FLT1: variants seen among roughly 807,000 people sequenced by gnomAD.
FLT1 encodes vascular endothelial growth factor receptor 1.
In FLT1, 49 loss-of-function variants were observed where a neutral mutation model predicts 156.3. That is an observed-to-expected ratio of 0.31 (90% CI 0.25 to 0.40). The LOEUF (loss-of-function observed/expected upper bound fraction) is 0.40. Among genes scored for constraint, FLT1 ranks in the 10% least tolerant of loss-of-function variants. FLT1 has a pLI of 1.00. For synonymous variants in FLT1, 594 were observed against 583.8 expected, an observed-to-expected ratio of 1.02 and a Z score of -0.25; for missense variants, 1,322 against 1,637.2, an observed-to-expected ratio of 0.81 and a Z score of 3.32.
At chr13:28,319,325 A>G in intron 24 of FLT1, 98 bp downstream of exon 24, 2 of 785,598 alleles carry the variant, frequency 2.5e-6, no homozygotes, top group South Asian at 2.9e-5. Flanking sequence ...TTGTTACAGT[A>G]GGTTCTAATC....
intron 1 of FLT1, among the ~76,000 whole-genome samples, chr13:28,475,889 C>T (rs1250974214): frequency 6.6e-6 from 1 of 152,162 alleles, no homozygotes; most frequent in East Asian, 1.9e-4. Context: ...GTCCCATCTC[C>T]TCTCACTTCC....
chr13:28,479,345 C>T (rs1344449984), intron 1 of FLT1, among the ~76,000 whole-genome samples: 1 of 152,112 alleles, frequency 6.6e-6, no homozygotes, highest in Non-Finnish European at 1.5e-5. Context: ...AATATAATTG[C>T]CTTTCATTAC....
intron 1 of FLT1, among the ~76,000 whole-genome samples, chr13:28,471,115 T>C (rs17086722): frequency 0.016 from 2,367 of 150,540 alleles, 76 homozygotes; most frequent in African/African-American, 0.054. Flanking sequence ...CTGACAAAAA[T>C]GGGGTTATTC....
intron 25 of FLT1, among the ~76,000 whole-genome samples, chr13:28,313,352 C>T (rs1447237653): frequency 6.6e-6 from 1 of 152,176 alleles, no homozygotes; most frequent in Non-Finnish European, 1.5e-5. Flanking sequence ...GAGGTCTGTA[C>T]CTACCGCCCT....
intron 4 of FLT1, among the ~76,000 whole-genome samples, chr13:28,437,858 T>G (rs1878116242): frequency 6.6e-6 from 1 of 152,198 alleles, no homozygotes; most frequent in African/African-American, 2.4e-5. Context: ...CATTCTGTCT[T>G]CTCTGCAGTA....
intron 14 of FLT1, among the ~76,000 whole-genome samples, chr13:28,360,861 A>G (rs923512004): frequency 3.3e-5 from 5 of 152,208 alleles, no homozygotes; most frequent in Non-Finnish European, 7.3e-5. Flanking sequence ...CAAAGAAATG[A>G]TATTTGAGCT....
chr13:28,356,239 A>G (rs1872895249), intron 15 of FLT1, among the ~76,000 whole-genome samples: 1 of 152,080 alleles, frequency 6.6e-6, no homozygotes, highest in East Asian at 1.9e-4. Context: ...ATATGGGGGA[A>G]ATGACGTTTG....
intron 10 of FLT1, among the ~76,000 whole-genome samples, chr13:28,419,703 C>G (rs1274447014): frequency 6.6e-6 from 1 of 152,182 alleles, no homozygotes; most frequent in South Asian, 2.1e-4. Flanking sequence ...CATGGCGAAA[C>G]CGCGTCTCTA....
chr13:28,304,540 A>G (rs1207490956), intron 29 of FLT1, among the ~76,000 whole-genome samples: 9 of 151,702 alleles, frequency 5.9e-5, no homozygotes, highest in Admixed American at 5.9e-4. Context: ...CTTTATGGAG[A>G]TATAATTTAC....
intron 14 of FLT1, among the ~76,000 whole-genome samples, chr13:28,371,683 C>T (rs560890954): frequency 5.9e-5 from 9 of 152,026 alleles, no homozygotes; most frequent in Non-Finnish European, 1.3e-4. Context: ...CTGAGGTTGG[C>T]TAAGATCTAT....
Position 28,306,723 on chromosome 13 carries a change from C to A in FLT1, c.3770G>T (p.Arg1257Leu). 1 of 1,613,930 alleles carries A rather than the reference C, an allele frequency of 6.2e-7. No individual in the cohort carries two copies. The highest frequency in any genetic ancestry group is 8.5e-7 in the Non-Finnish European group (1 of 1,179,870). Residue 1257 changes from arginine (R) to leucine (L), a missense_variant, in exon 29 of 30, where the codon CGC becomes CTC. By Grantham distance (102) the Arg-to-Leu change is moderately radical (BLOSUM62 -2). This residue lies in a region of FLT1 where 329 missense variants were observed against 366.2 expected (regional missense o/e 0.90). Transcript: ENST00000282397. ...GGGTTTGCTGTCAGTCCAGGTGAAG[C>A]GCTTCAGCATGGGAGAGGCCAACAG... The part of the protein sequence containing the change: ...STLLASPMLK[R>L]FTWTDSKPKA...
At chr13:28,375,139 G>A (rs1246215755) in intron 14 of FLT1, among the ~76,000 whole-genome samples, 1 of 152,200 alleles carries the variant, frequency 6.6e-6, no homozygotes, top group Non-Finnish European at 1.5e-5. Flanking sequence ...GTATACCTAT[G>A]CATGTAGGTG....
intron 12 of FLT1, among the ~76,000 whole-genome samples, chr13:28,391,740 T>C (rs552954195): frequency 2.0e-5 from 3 of 152,340 alleles, no homozygotes; most frequent in African/African-American, 7.2e-5. Flanking sequence ...CCCAGGTGTC[T>C]CTGTCAACAC....
chr13:28,320,497 G>T (rs539232873), intron 23 of FLT1, among the ~76,000 whole-genome samples: 1 of 151,746 alleles, frequency 6.6e-6, no homozygotes, highest in Non-Finnish European at 1.5e-5. Context: ...AATGCAGCCC[G>T]ACACAAATTC....
intron 10 of FLT1, among the ~76,000 whole-genome samples, chr13:28,426,866 C>T (rs1484498474): frequency 1.3e-5 from 2 of 152,136 alleles, no homozygotes; most frequent in African/African-American, 4.8e-5. Context: ...AACAGGAGAC[C>T]AGAGTTCCAA....
In FLT1 at chr13:28,412,307, C is replaced by CTCTTTCTT. The variant is rs958476857; in HGVS notation, c.1437-6421_1437-6414dup. Among the ~76,000 whole-genome samples, 223 of 53,602 alleles carry CTCTTTCTT rather than the reference C, an allele frequency of 4.2e-3. 5 individuals carry two copies. The highest frequency in any genetic ancestry group is 0.021 in the Middle Eastern group (2 of 96). 35.2% of individuals were successfully genotyped at this position (53,602 alleles called of 152,430 possible). ...CCCCCTTCTCTTTCTTTTTCTCTTTCTCTTTCTTTCTTTCTTTCTTTCTTT... is the reference window on the plus strand; with the variant it reads ...CCCCCTTCTCTTTCTTTTTCTCTTTCTCTTTCTTTCTTTCTTTCTTTCTTTCTTTCTTT... On this transcript the variant is annotated intron_variant, in intron 10 of 29. Transcript: ENST00000282397.
Position 28,427,204 on chromosome 13 carries a change from A to G in FLT1, c.1391T>C (p.Ile464Thr). ...CTAYGIPQPT[I>T]KWFWHPCNHN... ...GTTACAGGGGTGCCAGAACCACTTG[A>G]TTGTAGGTTGAGGGATACCATATGC... Residue 464 changes from isoleucine to threonine, a missense_variant, in exon 10 of 30, where the codon ATC (isoleucine) becomes ACC (threonine). By Grantham distance (89) the Ile-to-Thr change is moderately conservative (BLOSUM62 -1). Transcript: ENST00000282397. 1.2e-6 allele frequency: 2 copies of G among 1,614,064 alleles called. No homozygotes were observed. Among genetic ancestry groups the G allele is most frequent in the Non-Finnish European group, 1.7e-6 (2 of 1,179,930 alleles).
chr13:28,470,006 G>A (rs574005408), intron 1 of FLT1, among the ~76,000 whole-genome samples: 7 of 152,112 alleles, frequency 4.6e-5, no homozygotes, highest in East Asian at 3.9e-4. Flanking sequence ...CACCTGCCTC[G>A]GCCTCCCAAA....
intron 9 of FLT1, 97 bp downstream of exon 9, chr13:28,427,654 TG>T: frequency 9.5e-7 from 1 of 1,049,190 alleles, no homozygotes; most frequent in East Asian, 2.4e-5. Context: ...TTTGAAATTT[TG>T]CTATCTTTGA....
Sources: allele counts gnomAD v4.1 joint callset (sites outside exome capture counted in the v4.1 genomes callset), GRCh38; gene constraint gnomAD v4.1.1; regional missense constraint gnomAD v4.1.1; transcripts MANE v1.5; gene names NCBI Gene and HGNC (gene_info 2026-07-23, HGNC 2026-07-21).